Variants in SPAG16 observed in about 807,000 individuals in gnomAD.
SPAG16 encodes sperm-associated antigen 16 protein.
Under a neutral mutation model 80.4 loss-of-function variants are expected in SPAG16, and 86 were observed. The ratio of observed to expected loss-of-function variants is 1.07; its 90% CI spans 0.90 to 1.28. SPAG16 has a LOEUF of 1.28. Ranked by LOEUF, SPAG16 falls within the 50% of genes most tolerant of loss-of-function variation. The pLI is 0.00. For synonymous variants in SPAG16, 294 were observed against 265.9 expected (o/e 1.11, Z -1.03); for missense variants, 870 against 765.3 (o/e 1.14, Z -1.61).
intron 10 of SPAG16, among the ~76,000 whole-genome samples, chr2:213,795,485 C>G (rs1254283214): frequency 6.6e-6 from 1 of 152,130 alleles, no homozygotes. Flanking sequence ...AACATTCTGC[C>G]TTCAAAAAAT....
At chr2:213,694,617 A>C (rs2065083656) in intron 10 of SPAG16, among the ~76,000 whole-genome samples, 1 of 152,084 alleles carries the variant, frequency 6.6e-6, no homozygotes, top group Admixed American at 6.6e-5. Context: ...CAACATTCCT[A>C]AGGTCATAAT....
chr2:213,334,877 C>A (rs1016449048), intron 5 of SPAG16, among the ~76,000 whole-genome samples: 2 of 151,982 alleles, frequency 1.3e-5, no homozygotes, highest in African/African-American at 4.8e-5. Context: ...ATGAATAAGA[C>A]CTAGTATTTG....
chr2:214,117,383 T>C (rs1176391691), intron 14 of SPAG16, among the ~76,000 whole-genome samples: 1 of 152,074 alleles, frequency 6.6e-6, no homozygotes, highest in African/African-American at 2.4e-5. Context: ...AAAGAAAAGC[T>C]CAGAAGTAGG....
At chr2:213,623,256 G>A (rs1385915130) in intron 10 of SPAG16, among the ~76,000 whole-genome samples, 1 of 151,782 alleles carries the variant, frequency 6.6e-6, no homozygotes, top group Non-Finnish European at 1.5e-5. Flanking sequence ...TTTTTTTTAA[G>A]TGAAGGAGCT....
intron 6 of SPAG16, among the ~76,000 whole-genome samples, chr2:213,344,213 A>T (rs1162494675): frequency 6.6e-6 from 1 of 152,104 alleles, no homozygotes; most frequent in Non-Finnish European, 1.5e-5. Flanking sequence ...AATTTGCAGA[A>T]AAATTGAGGC....
At chr2:214,103,708 A>C (rs2053213415) in intron 13 of SPAG16, among the ~76,000 whole-genome samples, 1 of 152,108 alleles carries the variant, frequency 6.6e-6, no homozygotes, top group Non-Finnish European at 1.5e-5. Flanking sequence ...TTATCCTGAC[A>C]GTACAAAGGA....
At chr2:214,018,321 C>A (rs2047692132) in intron 13 of SPAG16, among the ~76,000 whole-genome samples, 1 of 152,028 alleles carries the variant, frequency 6.6e-6, no homozygotes, top group Non-Finnish European at 1.5e-5. Context: ...CTGTTATATA[C>A]ATTGTTTTTA....
At chr2:213,896,135 A>G (rs1385472568) in intron 11 of SPAG16, among the ~76,000 whole-genome samples, 2 of 152,072 alleles carry the variant, frequency 1.3e-5, no homozygotes, top group African/African-American at 4.8e-5. Context: ...AATGGCAAAC[A>G]GACCTGAATA....
chr2:214,338,144 C>A (rs1697424990), intron 15 of SPAG16, among the ~76,000 whole-genome samples: 1 of 152,062 alleles, frequency 6.6e-6, no homozygotes, highest in South Asian at 2.1e-4. Flanking sequence ...AGGGAGGAAA[C>A]AAAATCAAGT....
chr2:213,368,511 G>T (rs1022536909), intron 8 of SPAG16, among the ~76,000 whole-genome samples: 5 of 152,172 alleles, frequency 3.3e-5, no homozygotes, highest in African/African-American at 4.8e-5. Context: ...GCACAAGACA[G>T]GGATGCCCTC....
intron 10 of SPAG16, among the ~76,000 whole-genome samples, chr2:213,718,924 G>A (rs898979339): frequency 2.0e-5 from 3 of 152,198 alleles, no homozygotes; most frequent in Non-Finnish European, 2.9e-5. Flanking sequence ...GCCCTGGTGC[G>A]GGATCCACTA....
chr2:213,770,617 A>G (rs921760707), intron 10 of SPAG16, among the ~76,000 whole-genome samples: 3 of 151,898 alleles, frequency 2.0e-5, no homozygotes, highest in African/African-American at 7.3e-5. Context: ...TGCTTCCCCT[A>G]ACACCCCCTT....
At chr2:213,912,658 T>G (rs2077726889) in intron 11 of SPAG16, among the ~76,000 whole-genome samples, 1 of 151,236 alleles carries the variant, frequency 6.6e-6, no homozygotes, top group Non-Finnish European at 1.5e-5. Context: ...TGCTGTCCTG[T>G]GTTTCCTCAA....
At chr2:214,407,226 G>A (rs1702042942) in intron 15 of SPAG16, among the ~76,000 whole-genome samples, 1 of 151,882 alleles carries the variant, frequency 6.6e-6, no homozygotes, top group Non-Finnish European at 1.5e-5. Context: ...TATGGAATGT[G>A]TGTATTCATA....
At chr2:213,996,570 T>G (rs1043816434) in intron 12 of SPAG16, among the ~76,000 whole-genome samples, 1 of 147,254 alleles carries the variant, frequency 6.8e-6, no homozygotes, top group African/African-American at 2.5e-5. Context: ...CTATTCTTTT[T>G]TTTTTTTTTT....
intron 15 of SPAG16, among the ~76,000 whole-genome samples, chr2:214,312,740 G>C (rs1444457936): frequency 6.6e-6 from 1 of 152,116 alleles, no homozygotes; most frequent in African/African-American, 2.4e-5. Flanking sequence ...TCTATCCTTA[G>C]AATACAACAG....
chr2:213,524,286 G>T (rs2075796278), intron 10 of SPAG16, among the ~76,000 whole-genome samples: 1 of 152,208 alleles, frequency 6.6e-6, no homozygotes, highest in South Asian at 2.1e-4. Context: ...ACCTCTAACT[G>T]GATTTCAGAG....
chr2:213,898,764 C>T (rs917857206), intron 11 of SPAG16, among the ~76,000 whole-genome samples: 4 of 152,176 alleles, frequency 2.6e-5, no homozygotes, highest in African/African-American at 9.6e-5. Context: ...AACTGAAATA[C>T]TCAGTTGGAT....
Position 214,323,027 on chromosome 2 carries a change from T to C in SPAG16, c.1721-87113T>C, listed in dbSNP as rs571946199. 5.9e-5 allele frequency among the ~76,000 whole-genome samples: 9 copies of C among 152,354 alleles called. No individual in the cohort carries two copies. In the South Asian group the frequency reaches 1.9e-3, roughly 32 times the overall value. On this transcript the variant is annotated intron_variant, in intron 15 of 15. Coordinates refer to ENST00000331683, the MANE Select transcript of SPAG16 (RefSeq NM_024532.5). ...TTTGGGCACTCTAGTCCATTACTTT[T>C]AGCTCTTTCATCTAAAGGAATTTAT...
Sources: allele counts gnomAD v4.1 joint callset (sites outside exome capture counted in the v4.1 genomes callset), GRCh38; gene constraint gnomAD v4.1.1; transcripts MANE v1.5; gene names NCBI Gene and HGNC (gene_info 2026-07-23, HGNC 2026-07-21).